The following CEACAM18 variants were observed in gnomAD, a reference collection of about 807,000 sequenced individuals.
The protein encoded by CEACAM18 is CEA cell adhesion molecule 18.
A neutral mutation model predicts 34.3 loss-of-function variants in CEACAM18; 33 were observed. The observed-to-expected ratio is 0.96, with a 90% CI of 0.73 to 1.29. The LOEUF is 1.29. CEACAM18 is among the 50% of genes most tolerant of loss of function. The pLI, the probability that CEACAM18 is intolerant of heterozygous loss-of-function variation, is 0.00. For missense variants in CEACAM18, 474 were observed against 485.0 expected, an observed-to-expected ratio of 0.98 and a Z score of 0.21; for synonymous variants, 169 against 180.9, an observed-to-expected ratio of 0.93 and a Z score of 0.53.
intron 5 of CEACAM18, among the ~76,000 whole-genome samples, chr19:51,486,060 G>T (rs1989994435): frequency 6.6e-6 from 1 of 152,114 alleles, no homozygotes; most frequent in South Asian, 2.1e-4. Flanking sequence ...AGTGGGAATG[G>T]CAATGATGAT....
intron 5 of CEACAM18, among the ~76,000 whole-genome samples, chr19:51,486,570 C>G (rs1990004254): frequency 1.3e-5 from 2 of 152,184 alleles, no homozygotes; most frequent in Middle Eastern, 3.4e-3. Context: ...GCCCTCATCT[C>G]TAGGGGCCAG....
At chr19:51,486,723 CTT>C (rs201510643) in intron 5 of CEACAM18, among the ~76,000 whole-genome samples, 45 of 135,362 alleles carry the variant, frequency 3.3e-4, no homozygotes, top group African/African-American at 8.0e-4. Flanking sequence ...TCTTTTCTTT[CTT>C]TTTTTTTTTT....
chr19:51,480,237 G>A, intron 1 of CEACAM18, 96 bp from the exon 2 acceptor site: 1 of 1,032,862 alleles, frequency 9.7e-7, no homozygotes, highest in Non-Finnish European at 1.4e-6. Flanking sequence ...GCGTCTCTGG[G>A]AATCGTTCCC....
chr19:51,486,710 C>CTTTTTTTTTTTTTTTTTTTTTTTTTTT (rs1327201659), intron 5 of CEACAM18, among the ~76,000 whole-genome samples: 1 of 144,432 alleles, frequency 6.9e-6, no homozygotes, highest in Non-Finnish European at 1.5e-5. Flanking sequence ...TTCTTTCTTT[C>CTTTTTTTTTTTTTTTTTTTTTTTTTTT]TTTCTTTTCT....
intron 2 of CEACAM18, 132 bp from the exon 3 acceptor site, chr19:51,481,261 T>C (rs1989910370): frequency 2.0e-6 from 2 of 988,098 alleles, no homozygotes; most frequent in African/African-American, 1.6e-5. Context: ...CTCAGCTCCC[T>C]TGCCAGGATG....
exon 4 of CEACAM18, chr19:51,483,287 C>A (rs760626539): frequency 2.7e-5 from 44 of 1,613,716 alleles, no homozygotes; most frequent in South Asian, 1.1e-4. Flanking sequence ...AGGATCCAGG[C>A]CCCCCATGAG....
chr19:51,480,257 C>G (rs1008909523), intron 1 of CEACAM18, 76 bp from the exon 2 acceptor site: 1 of 1,244,022 alleles, frequency 8.0e-7, no homozygotes, highest in Non-Finnish European at 1.1e-6. Flanking sequence ...CGGATGGTGT[C>G]TTTTTTCCTT....
At chr19:51,479,099 C>T (rs1175125121) in intron 1 of CEACAM18, among the ~76,000 whole-genome samples, 1 of 152,146 alleles carries the variant, frequency 6.6e-6, no homozygotes, top group African/African-American at 2.4e-5. Flanking sequence ...CCATCCCCTC[C>T]CCCACCTCTC....
chr19:51,482,829 T>C (rs1038262064), intron 3 of CEACAM18, among the ~76,000 whole-genome samples, 188 bp from the exon 4 acceptor site: 1 of 152,234 alleles, frequency 6.6e-6, no homozygotes, highest in Admixed American at 6.5e-5. Flanking sequence ...GCCTGGCCTC[T>C]AGTAGTTCCT....
chr19:51,490,713 CA>C, exon 6 of CEACAM18: 1 of 975,062 alleles, frequency 1.0e-6, no homozygotes, highest in South Asian at 5.2e-5. Context: ...GAAAAGGGTC[CA>C]GGGTCTCTTT....
rs556949382 is a variant in CEACAM18 at position 51,489,128 on chromosome 19, G to A, written c.1090-1459G>A. ...GATGGAGACTGAATGAGGGACAAATGAATGAGTCACTGAGGTTGACTTAAT... is the reference window on the plus strand; with the variant it reads ...GATGGAGACTGAATGAGGGACAAATAAATGAGTCACTGAGGTTGACTTAAT... On this transcript the variant is annotated intron_variant, in intron 5 of 5. Transcript: ENST00000396477. Among the ~76,000 whole-genome samples the A allele has an allele frequency of 5.4e-5, 8 of 149,052 alleles. No homozygotes were observed. In the East Asian group the frequency reaches 1.6e-3, roughly 31 times the overall value.
chr19:51,485,601 TC>T (rs1989985814), intron 5 of CEACAM18, among the ~76,000 whole-genome samples: 1 of 152,152 alleles, frequency 6.6e-6, no homozygotes, highest in South Asian at 2.1e-4. Context: ...AGGTCACTTC[TC>T]CTCATAGCTC....
intron 5 of CEACAM18, among the ~76,000 whole-genome samples, chr19:51,485,822 A>G (rs558799426): frequency 1.4e-4 from 21 of 152,332 alleles, no homozygotes; most frequent in Admixed American, 3.9e-4. Context: ...ATTGTGGGAC[A>G]TTTAGCCGCA....
rs1397359082 is a variant in CEACAM18 at position 51,481,680 on chromosome 19, C to T, written c.673+15C>T. ...GACTGTGGCCTGTGAGTGGTCTGGG[C>T]TCCTGGGACTGAAGCCAGGGCTGGT... On this transcript the variant is annotated intron_variant, in intron 3 of 5. Coordinates refer to ENST00000396477, the Ensembl canonical transcript of CEACAM18. 1.9e-6 allele frequency: 3 copies of T among 1,603,390 alleles called. No individual in the cohort carries two copies. The highest frequency in any genetic ancestry group is 3.4e-5 in the Admixed American group (2 of 59,562).
chr19:51,480,524 C>CA lies in CEACAM18; in HGVS notation c.245dup (p.Gln83AlafsTer27). The stretch of plus-strand genomic sequence containing the variant: ...TATCAGCCACAAACCGCCCAGTGCC[C>CA]AGCAGCCTGGGCCCATGTACACTGG... On this transcript the variant is annotated frameshift_variant, in exon 2 of 6. Coordinates refer to ENST00000396477, the Ensembl canonical transcript of CEACAM18. LOFTEE classifies it high-confidence loss of function. The CA allele has an allele frequency of 6.2e-7, 1 of 1,613,990 alleles. No homozygotes were observed. The highest frequency in any genetic ancestry group is 8.5e-7 in the Non-Finnish European group (1 of 1,179,884).
exon 2 of CEACAM18, chr19:51,480,535 G>A (rs761441132): frequency 1.9e-6 from 3 of 1,614,002 alleles, no homozygotes; most frequent in Non-Finnish European, 2.5e-6. Context: ...AGCAGCCTGG[G>A]CCCATGTACA....
At chr19:51,491,123 G>GAA (rs1990086715), downstream of CEACAM18, among the ~76,000 whole-genome samples, 1 of 152,174 alleles carries the variant, frequency 6.6e-6, no homozygotes, top group Non-Finnish European at 1.5e-5. Context: ...GGAGCGACCT[G>GAA]AACGCAGCCC....
intron 5 of CEACAM18, among the ~76,000 whole-genome samples, chr19:51,486,444 G>A (rs957520037): frequency 5.3e-5 from 8 of 151,992 alleles, no homozygotes; most frequent in Non-Finnish European, 1.0e-4. Context: ...CATTGTGCCC[G>A]GAGGAAGCTG....
intron 4 of CEACAM18, among the ~76,000 whole-genome samples, chr19:51,484,265 C>G (rs1012332171): frequency 6.6e-6 from 1 of 151,982 alleles, no homozygotes; most frequent in African/African-American, 2.4e-5. Context: ...CATCGATTCA[C>G]ATTTTTCTCT....
Sources: allele counts gnomAD v4.1 joint callset (sites outside exome capture counted in the v4.1 genomes callset), GRCh38; gene constraint gnomAD v4.1.1; transcripts MANE v1.5; gene names NCBI Gene and HGNC (gene_info 2026-07-23, HGNC 2026-07-21).